NCR1: variants seen among roughly 807,000 people sequenced by gnomAD.
The protein encoded by NCR1 is NK cell-activating receptor.
Under a neutral mutation model 32.5 loss-of-function variants are expected in NCR1, and 30 were observed. The ratio of observed to expected loss-of-function variants is 0.92; its 90% CI spans 0.69 to 1.25. The LOEUF (loss-of-function observed/expected upper bound fraction) is 1.25. NCR1 is among the 50% of genes most tolerant of loss of function. NCR1 has a pLI of 0.00. For synonymous variants in NCR1, 169 were observed against 143.4 expected, an observed-to-expected ratio of 1.18 and a Z score of -1.28; for missense variants, 369 against 380.7, an observed-to-expected ratio of 0.97 and a Z score of 0.26.
the NCR1 span, among the ~76,000 whole-genome samples, chr19:54,932,437 A>AAAG: frequency 5.9e-5 from 9 of 152,000 alleles, no homozygotes; most frequent in Non-Finnish European, 1.2e-4. Flanking sequence ...AAAAAAAAAA[A>AAAG]AATGAATCTC....
chr19:54,923,616 G>C, the NCR1 span: 1 of 1,091,946 alleles, frequency 9.2e-7, no homozygotes, highest in South Asian at 1.2e-5. Flanking sequence ...GAGAAAACCA[G>C]TGTCAAATCC....
chr19:54,906,618 G>A lies in NCR1; in HGVS notation c.166G>A (p.Val56Ile). ...CTGTTGCCAGGGAAATTATGGGGCT[G>A]TTGAATACCAGCTGCACTTTGAAGG... The part of the protein sequence containing the change: ...TICCQGNYGA[V>I]EYQLHFEGSL... The change falls in exon 3 of 7, where the codon GTT (valine) becomes ATT (isoleucine). Residue 56 changes from valine (V) to isoleucine (I), a missense_variant. Transcript: ENST00000291890. 1.2e-6 allele frequency: 2 copies of A among 1,614,218 alleles called. No homozygotes were observed. Among genetic ancestry groups the A allele is most frequent in the South Asian group, 2.2e-5 (2 of 91,090 alleles).
the NCR1 span, among the ~76,000 whole-genome samples, chr19:54,901,070 G>A: frequency 6.8e-6 from 1 of 147,288 alleles, no homozygotes; most frequent in Admixed American, 6.8e-5. Flanking sequence ...GGATCACGAG[G>A]TCAGGAGATG....
chr19:54,909,372 C>T lies in NCR1; in HGVS notation c.483C>T (p.Ser161=), dbSNP rs2067827502. 6.2e-7 allele frequency: 1 copy of T among 1,613,978 alleles called. No individual in the cohort carries two copies. Among genetic ancestry groups the T allele is most frequent in the Admixed American group, 1.7e-5 (1 of 59,988 alleles). The change falls in exon 4 of 7, where the codon TCC becomes TCT. Residue 161 remains serine, a synonymous_variant. Coordinates refer to ENST00000291890, the MANE Select transcript of NCR1 (RefSeq NM_004829.7). Reference sequence around the variant, plus strand: ...TCTTACTGCTCAAGGAGGGAAGATCCAGCCACGTACAGCGCGGATACGGGA... The same window carrying T: ...TCTTACTGCTCAAGGAGGGAAGATCTAGCCACGTACAGCGCGGATACGGGA... ...SMFLLLKEGR[S]SHVQRGYGKV...
chr19:54,933,538 G>A, the NCR1 span: 2 of 1,587,230 alleles, frequency 1.3e-6, no homozygotes, highest in African/African-American at 1.3e-5. Context: ...GAATTCATGT[G>A]CACACACACA....
chr19:54,918,012 A>T (rs1167999664), downstream of NCR1, among the ~76,000 whole-genome samples: 2 of 152,088 alleles, frequency 1.3e-5, no homozygotes, highest in East Asian at 3.9e-4. Context: ...GCTGGACTGC[A>T]GTGGCGCGAT....
the NCR1 span, chr19:54,923,811 T>G: frequency 1.2e-6 from 2 of 1,614,000 alleles, no homozygotes; most frequent in East Asian, 2.2e-5. Context: ...AGCTTGGGAT[T>G]CTTTTCTTTC....
At chr19:54,936,137 T>C in the NCR1 span, 76 of 830,954 alleles carry the variant, frequency 9.1e-5, no homozygotes, top group East Asian at 1.7e-3. Context: ...CACACAGGCC[T>C]GTTTGAGGAA....
downstream of NCR1, among the ~76,000 whole-genome samples, chr19:54,918,361 C>T (rs1030504528): frequency 3.3e-5 from 5 of 152,014 alleles, no homozygotes; most frequent in Non-Finnish European, 4.4e-5. Context: ...CTCCGCCTCC[C>T]GGGTTCAAGC....
At chr19:54,927,570 A>G in the NCR1 span, 1 of 1,535,444 alleles carries the variant, frequency 6.5e-7, no homozygotes, top group African/African-American at 1.8e-5. Flanking sequence ...AAACAAAAAC[A>G]AAAAACAAAA....
At chr19:54,923,240 C>A in the NCR1 span, among the ~76,000 whole-genome samples, 2 of 152,106 alleles carry the variant, frequency 1.3e-5, no homozygotes, top group African/African-American at 2.4e-5. Context: ...ACCGCGGGGC[C>A]CACAGTGCCA....
At chr19:54,898,912 A>G in the NCR1 span, among the ~76,000 whole-genome samples, 5 of 152,180 alleles carry the variant, frequency 3.3e-5, no homozygotes, top group East Asian at 3.9e-4. Flanking sequence ...GGAGGTGATA[A>G]AAGGATTATA....
At chr19:54,917,055 C>G (rs753674422), downstream of NCR1, among the ~76,000 whole-genome samples, 1 of 151,944 alleles carries the variant, frequency 6.6e-6, no homozygotes, top group Non-Finnish European at 1.5e-5. Flanking sequence ...CATTATTGCT[C>G]CCCCACAGTT....
At chr19:54,917,398 C>A (rs896009009), downstream of NCR1, among the ~76,000 whole-genome samples, 1 of 152,038 alleles carries the variant, frequency 6.6e-6, no homozygotes, top group African/African-American at 2.4e-5. Context: ...TGGCTCACTG[C>A]AACCTCTGCC....
intron 3 of NCR1, among the ~76,000 whole-genome samples, chr19:54,907,882 T>G (rs925180045): frequency 1.3e-5 from 2 of 152,234 alleles, no homozygotes; most frequent in African/African-American, 2.4e-5. Flanking sequence ...TATACTTGTG[T>G]TGAAATATAT....
At chr19:54,901,167 G>C (rs1241441852), upstream of NCR1, among the ~76,000 whole-genome samples, 1 of 149,548 alleles carries the variant, frequency 6.7e-6, no homozygotes, top group Non-Finnish European at 1.5e-5. Flanking sequence ...GTGGGCACCT[G>C]TAGTCCTAGC....
chr19:54,933,812 C>T, the NCR1 span: 1 of 1,269,982 alleles, frequency 7.9e-7, no homozygotes, highest in Non-Finnish European at 1.2e-6. Flanking sequence ...GTGATGTCCA[C>T]ATGCTAGGGT....
rs771001948 is a variant in NCR1 at position 54,909,488 on chromosome 19, C to G, written c.599C>G (p.Ser200Cys). The G allele has an allele frequency of 6.2e-7, 1 of 1,608,732 alleles. No individual in the cohort carries two copies. The highest frequency in any genetic ancestry group is 8.5e-7 in the Non-Finnish European group (1 of 1,179,842). Residue 200 changes from serine to cysteine, a missense_variant, in exon 4 of 7, where the codon TCT becomes TGT. By Grantham distance (112) the Ser-to-Cys change is moderately radical. Transcript: ENST00000291890. ...GGCTCCTATAACAACCATGCCTGGTCTTTCCCCAGTGAGCCAGTGAAGCTC... is the reference window on the plus strand; with the variant it reads ...GGCTCCTATAACAACCATGCCTGGTGTTTCCCCAGTGAGCCAGTGAAGCTC... ...CFGSYNNHAW[S>C]FPSEPVKLLV...
the NCR1 span, chr19:54,934,643 C>T: frequency 1.2e-6 from 2 of 1,613,298 alleles, no homozygotes; most frequent in South Asian, 1.1e-5. The surrounding 1 kb of genome is among the most constrained non-coding windows in gnomAD (Gnocchi z 6.7). Context: ...TCCGGGGTGG[C>T]ACAGTGACCT....
Sources: gnomAD v4.1 joint callset for allele counts (sites outside exome capture counted in the v4.1 genomes callset) on GRCh38, gnomAD v4.1.1 for gene constraint, Gnocchi (gnomAD v3.1) non-coding constraint, MANE v1.5 for transcripts, NCBI Gene and HGNC (gene_info 2026-07-23, HGNC 2026-07-21) for gene names.